Variants in INPP4A observed in about 807,000 individuals in gnomAD.
INPP4A encodes the protein inositol polyphosphate-4-phosphatase type I A, also known as inositol polyphosphate-4-phosphatase, type I, 107kD.
In INPP4A, 33 loss-of-function variants were observed where a neutral mutation model predicts 119.8. That is an observed-to-expected ratio of 0.28 (90% CI 0.21 to 0.37). INPP4A has a LOEUF of 0.37. INPP4A is among the 10% of genes least tolerant of loss of function. INPP4A has a pLI of 1.00. For missense variants in INPP4A, 956 were observed against 1,289.9 expected (o/e 0.74, Z 3.97); for synonymous variants, 496 against 500.7 (o/e 0.99, Z 0.12).
In INPP4A at chr2:98,584,754, G is replaced by C. The variant is rs139290793; in HGVS notation, c.2787-2722G>C. On this transcript the variant is annotated intron_variant, in intron 24 of 24. Transcript: ENST00000409851. ...ACACCATGAGATTAGCCTAGGTGGT[G>C]GGTTGGTTTTGGCTTTTTAAACTTA... Among the ~76,000 whole-genome samples the C allele has an allele frequency of 6.5e-3, 993 of 152,346 alleles. 18 individuals are homozygous for C. Among genetic ancestry groups the C allele is most frequent in the African/African-American group, 0.022 (930 of 41,578 alleles).
chr2:98,564,562 G>T, intron 18 of INPP4A, 78 bp from the exon 19 acceptor site: 2 of 1,561,188 alleles, frequency 1.3e-6, no homozygotes, highest in East Asian at 2.3e-5. Context: ...AGGGGGCGGT[G>T]GGGGGCTGGG....
chr2:98,475,956 A>G (rs1440675681), intron 1 of INPP4A, among the ~76,000 whole-genome samples: 1 of 152,198 alleles, frequency 6.6e-6, no homozygotes, highest in Non-Finnish European at 1.5e-5. Flanking sequence ...TAATCTACAA[A>G]TGTTTAATCC....
At chr2:98,541,099 A>G (rs1257682376) in intron 10 of INPP4A, among the ~76,000 whole-genome samples, 1 of 152,172 alleles carries the variant, frequency 6.6e-6, no homozygotes, top group Non-Finnish European at 1.5e-5. Flanking sequence ...AGGCTGAGGC[A>G]GGTGGATCAC....
chr2:98,514,251 G>T (rs147995625), intron 1 of INPP4A, among the ~76,000 whole-genome samples: 159 of 152,258 alleles, frequency 1.0e-3, no homozygotes, highest in African/African-American at 3.6e-3. Context: ...ATGTGTTCAG[G>T]GTGTTCTGAG....
intron 24 of INPP4A, among the ~76,000 whole-genome samples, chr2:98,580,402 C>T (rs1395471461): frequency 1.3e-5 from 2 of 152,198 alleles, no homozygotes; most frequent in Admixed American, 6.5e-5. Flanking sequence ...GTGGCATAAA[C>T]GCTTCTACCA....
rs12988976 is a variant in INPP4A, at chr2:98,590,717, A to G, written c.*3109A>G. 5,190 of 219,882 alleles carry G rather than the reference A, an allele frequency of 0.024. 68 individuals are homozygous for G. Among genetic ancestry groups the G allele is most frequent in the South Asian group, 0.061 (329 of 5,386 alleles). The allele number at this position is 219,882 out of a possible 1,614,324, so 13.6% of individuals were successfully genotyped here. Reference sequence around the variant, plus strand: ...CTGTGCCGTCTTCTAGGCACACACGACCCGTTATCTCCCTTGGAAAAATTC... The same window carrying G: ...CTGTGCCGTCTTCTAGGCACACACGGCCCGTTATCTCCCTTGGAAAAATTC... On this transcript the variant is annotated 3_prime_UTR_variant, in exon 25 of 25. Coordinates refer to ENST00000409851, the MANE Select transcript of INPP4A (RefSeq NM_001134225.2).
chr2:98,589,491 A>C lies in INPP4A; in HGVS notation c.*1883A>C, dbSNP rs941266262. 3.8e-5 allele frequency: 7 copies of C among 182,008 alleles called. No individual in the cohort carries two copies. 11.3% of individuals were successfully genotyped at this position (182,008 alleles called of 1,614,324 possible). On this transcript the variant is annotated 3_prime_UTR_variant, in exon 25 of 25. Coordinates refer to ENST00000409851, the MANE Select transcript of INPP4A (RefSeq NM_001134225.2). ...AGAGCATTAAATATCTGCACTCATC[A>C]AAGGGAATATAGCAAATGTTGATCA... is the stretch of plus-strand genomic sequence containing the variant.
intron 1 of INPP4A, among the ~76,000 whole-genome samples, chr2:98,471,761 T>C (rs1676061966): frequency 6.6e-6 from 1 of 152,202 alleles, no homozygotes. Context: ...CGCAGCCCCC[T>C]AGCCGCCAGG....
intron 14 of INPP4A, among the ~76,000 whole-genome samples, chr2:98,553,870 A>G (rs1196552369): frequency 6.6e-6 from 1 of 152,240 alleles, no homozygotes; most frequent in Non-Finnish European, 1.5e-5. Flanking sequence ...AACAAAAGAT[A>G]AGACTTACAC....
intron 4 of INPP4A, among the ~76,000 whole-genome samples, chr2:98,524,322 G>C (rs1160622612): frequency 6.6e-6 from 1 of 152,210 alleles, no homozygotes; most frequent in Non-Finnish European, 1.5e-5. Flanking sequence ...TATATCAGAG[G>C]TGTGTGGTTT....
At chr2:98,454,214 C>G (rs1235680268) in intron 1 of INPP4A, among the ~76,000 whole-genome samples, 1 of 152,178 alleles carries the variant, frequency 6.6e-6, no homozygotes, top group Non-Finnish European at 1.5e-5. Flanking sequence ...GGGGCTGGCC[C>G]CAGTGAAAGC....
At chr2:98,530,811 C>G (rs911643789) in intron 4 of INPP4A, among the ~76,000 whole-genome samples, 2 of 152,146 alleles carry the variant, frequency 1.3e-5, no homozygotes, top group Admixed American at 1.3e-4. Flanking sequence ...ACTAAAATAA[C>G]TGTTATTGAC....
rs1700225603 is a variant in INPP4A at position 98,589,427 on chromosome 2, A to T, written c.*1819A>T. On this transcript the variant is annotated 3_prime_UTR_variant, in exon 25 of 25. Transcript: ENST00000409851. ...AAAAATCTCCTTGCTTTTTAAAAAT[A>T]AATATTACCCACATAGTTTTCAGAT... The T allele has an allele frequency of 5.5e-6, 1 of 183,156 alleles. No homozygotes were observed. The allele number at this position is 183,156 out of a possible 1,614,324, so 11.3% of individuals were successfully genotyped here.
chr2:98,447,981 A>G (rs918697417), intron 1 of INPP4A, among the ~76,000 whole-genome samples: 2 of 147,460 alleles, frequency 1.4e-5, no homozygotes, highest in South Asian at 4.3e-4. Flanking sequence ...TGGGAGGCGG[A>G]TCTTGCAGTG....
chr2:98,554,438 A>G lies in INPP4A; in HGVS notation c.1515A>G (p.Thr505=), dbSNP rs1694102187. The G allele has an allele frequency of 6.2e-7, 1 of 1,613,942 alleles. No individual in the cohort carries two copies. Among genetic ancestry groups the G allele is most frequent in the Non-Finnish European group, 8.5e-7 (1 of 1,179,886 alleles). The part of the protein sequence containing the change: ...NDQDTLMARW[T]GRNSRSSLQV... ...AGGACACCCTCATGGCCCGGTGGAC[A>G]GGGAGAAACAGCCGATCTTCCCTGC... Residue 505 remains threonine (T), a synonymous_variant, in exon 15 of 25, where the codon ACA becomes ACG. Transcript: ENST00000409851. This position sits in a 1 kb window ranked among gnomAD's most constrained non-coding sequence, Gnocchi z 4.7.
chr2:98,548,234 A>G (rs746931099), intron 13 of INPP4A, among the ~76,000 whole-genome samples: 1 of 152,138 alleles, frequency 6.6e-6, no homozygotes, highest in Non-Finnish European at 1.5e-5. Flanking sequence ...AGAAACAGGG[A>G]AGGGGAATTC....
chr2:98,554,557 A>G lies in INPP4A; in HGVS notation c.1566+68A>G. The G allele has an allele frequency of 2.2e-6, 3 of 1,387,382 alleles. No individual in the cohort carries two copies. Among genetic ancestry groups the G allele is most frequent in the Non-Finnish European group, 3.0e-6 (3 of 1,003,716 alleles). 85.9% of individuals were successfully genotyped at this position (1,387,382 alleles called of 1,614,324 possible). On this transcript the variant is annotated intron_variant, in intron 15 of 24. Transcript: ENST00000409851. The surrounding 1 kb of genome is among the most constrained non-coding windows in gnomAD (Gnocchi z 4.7). ...GCTGAAAACCACAAAACCTGTTGCC[A>G]GTCTCTGCCCCTCTGAAGTGCCTCA...
intron 18 of INPP4A, 151 bp from the exon 19 acceptor site, chr2:98,564,489 A>T (rs1460717095): frequency 2.2e-5 from 20 of 922,192 alleles, no homozygotes; most frequent in Non-Finnish European, 1.4e-5. Context: ...GGCATGCCCC[A>T]CCTGGGCTTC....
Position 98,590,515 on chromosome 2 carries a change from C to T in INPP4A, c.*2907C>T, listed in dbSNP as rs754265938. 24 of 193,480 alleles carry T rather than the reference C, an allele frequency of 1.2e-4. No homozygotes were observed. The highest frequency in any genetic ancestry group is 1.8e-4 in the Non-Finnish European group (17 of 92,776). 12.0% of individuals were successfully genotyped at this position (193,480 alleles called of 1,614,324 possible). On this transcript the variant is annotated 3_prime_UTR_variant, in exon 25 of 25. Transcript: ENST00000409851. ...CCTTCCTCATAAGGAACGTGCGACG[C>T]GCCTCAGAAGTACGTGTTCATAAAT...
Sources: gnomAD v4.1 joint callset for allele counts (sites outside exome capture counted in the v4.1 genomes callset) on GRCh38, gnomAD v4.1.1 for gene constraint, Gnocchi (gnomAD v3.1) non-coding constraint, MANE v1.5 for transcripts, NCBI Gene and HGNC (gene_info 2026-07-23, HGNC 2026-07-21) for gene names.